The following NCOA1 variants were observed in gnomAD, a reference collection of about 807,000 sequenced individuals.
The protein encoded by NCOA1 is Hin-2 protein.
NCOA1 carries 35 observed loss-of-function variants against 150.9 expected under a neutral mutation model. The ratio of observed to expected loss-of-function variants is 0.23; its 90% CI spans 0.18 to 0.31. NCOA1 has a LOEUF of 0.31. Ranked by LOEUF, NCOA1 falls within the 10% of genes least tolerant of loss-of-function variation. The pLI is 1.00. For synonymous variants in NCOA1, 590 were observed against 630.0 expected, an observed-to-expected ratio of 0.94 and a Z score of 0.95; for missense variants, 1,491 against 1,749.3, an observed-to-expected ratio of 0.85 and a Z score of 2.63.
rs1672753772 is a variant in NCOA1 at position 24,693,253 on chromosome 2, T to C, written c.714T>C (p.Asp238=). The change falls in exon 10 of 23, where the codon GAT becomes GAC. Residue 238 remains aspartate (D), a splice_region_variant and synonymous_variant. Transcript: ENST00000348332. ...ATTTCCCCGTCTTGTTTTGGGCAGA[T>C]TTCCAGTCATGTCTGATTTGTATTG... ...QPKSIQEDGE[D]FQSCLICIAR... is the part of the protein sequence containing the mutation. 1 of 1,614,066 alleles carries C rather than the reference T, an allele frequency of 6.2e-7. No individual in the cohort carries two copies. Among genetic ancestry groups the C allele is most frequent in the African/African-American group, 1.3e-5 (1 of 74,942 alleles).
chr2:24,705,470 G>A (rs998676705), intron 12 of NCOA1, among the ~76,000 whole-genome samples: 2 of 152,248 alleles, frequency 1.3e-5, no homozygotes, highest in African/African-American at 2.4e-5. Context: ...GCTTTTTAGA[G>A]GGTAAAACCA....
At chr2:24,576,218 G>T (rs1464386477) in intron 2 of NCOA1, among the ~76,000 whole-genome samples, 1 of 119,162 alleles carries the variant, frequency 8.4e-6, no homozygotes, top group East Asian at 2.6e-4. Context: ...TCCAACCTCA[G>T]GTGGTTTCCT....
In NCOA1 at chr2:24,729,594, C is replaced by T. The variant is rs752281172; in HGVS notation, c.2980C>T (p.Pro994Ser). 6.2e-7 allele frequency: 1 copy of T among 1,614,138 alleles called. No homozygotes were observed. Among genetic ancestry groups the T allele is most frequent in the African/African-American group, 1.3e-5 (1 of 75,034 alleles). Residue 994 changes from proline (P) to serine (S), a missense_variant, in exon 17 of 23, where the codon CCT becomes TCT. Physicochemically the swap from Pro to Ser is moderately conservative, Grantham distance 74. This residue lies in a region of NCOA1 where 485 missense variants were observed against 522.8 expected (regional missense o/e 0.93). Transcript: ENST00000348332. ...AGAAAGACCCAACCTTTATTCCCAG[C>T]CTTACTCTTCTCCTTCTCCTACTGC... The part of the protein sequence containing the change: ...MEERPNLYSQ[P>S]YSSPSPTANL...
chr2:24,547,767 T>A (rs1189904036), intron 1 of NCOA1, among the ~76,000 whole-genome samples: 1 of 151,666 alleles, frequency 6.6e-6, no homozygotes, highest in Non-Finnish European at 1.5e-5. Flanking sequence ...GGTGGGCGGA[T>A]CATGAGCTCA....
intron 9 of NCOA1, among the ~76,000 whole-genome samples, chr2:24,692,947 AC>A (rs1286513317): frequency 1.3e-5 from 2 of 151,714 alleles, no homozygotes; most frequent in Non-Finnish European, 2.9e-5. Context: ...TGCAAGCTCC[AC>A]CTCCCGGGTT....
At chr2:24,700,669 TGTG>T (rs1018053775) in intron 11 of NCOA1, among the ~76,000 whole-genome samples, 1 of 152,214 alleles carries the variant, frequency 6.6e-6, no homozygotes, top group Non-Finnish European at 1.5e-5. Flanking sequence ...TCCATGCAAG[TGTG>T]TATAGTTTGG....
At chr2:24,673,858 C>G (rs1671786923) in intron 7 of NCOA1, among the ~76,000 whole-genome samples, 1 of 152,050 alleles carries the variant, frequency 6.6e-6, no homozygotes, top group Non-Finnish European at 1.5e-5. Flanking sequence ...TATTGCAGTA[C>G]GTGATTTTCT....
chr2:24,550,164 C>G (rs1191190050), intron 1 of NCOA1, among the ~76,000 whole-genome samples: 2 of 152,184 alleles, frequency 1.3e-5, no homozygotes, highest in South Asian at 4.1e-4. Context: ...TTGAAACTTT[C>G]CCACATTTTC....
intron 1 of NCOA1, among the ~76,000 whole-genome samples, chr2:24,550,746 C>G (rs1185467892): frequency 6.6e-6 from 1 of 152,170 alleles, no homozygotes. Flanking sequence ...GAGGGAAATT[C>G]CTGTTCACCA....
intron 1 of NCOA1, among the ~76,000 whole-genome samples, chr2:24,510,854 A>G (rs1218223428): frequency 1.3e-5 from 2 of 152,214 alleles, no homozygotes; most frequent in East Asian, 3.8e-4. Flanking sequence ...TTCTTGAGAT[A>G]TAAATCATAT....
intron 4 of NCOA1, among the ~76,000 whole-genome samples, chr2:24,655,131 C>CGTA (rs1670875798): frequency 6.6e-6 from 1 of 152,138 alleles, no homozygotes; most frequent in African/African-American, 2.4e-5. Context: ...ATCTCTAGTG[C>CGTA]GTAGAACAGA....
intron 1 of NCOA1, among the ~76,000 whole-genome samples, chr2:24,552,341 ATATATATATATATTTTTTTTTTTTTT>A (rs1220265743): frequency 3.1e-5 from 1 of 32,644 alleles, no homozygotes; most frequent in Non-Finnish European, 5.2e-5. Flanking sequence ...ATATATATAT[ATATATATATATATTTTTTTTTTTTTT>A]TTTTTTTTTT....
intron 21 of NCOA1, among the ~76,000 whole-genome samples, chr2:24,760,829 T>C (rs1459175276): frequency 6.6e-5 from 10 of 151,960 alleles, no homozygotes; most frequent in Non-Finnish European, 1.3e-4. Context: ...TGGAAAAAAT[T>C]TTTTGTTGTC....
intron 1 of NCOA1, among the ~76,000 whole-genome samples, chr2:24,493,852 T>G (rs1663083265): frequency 6.6e-6 from 1 of 152,258 alleles, no homozygotes; most frequent in Non-Finnish European, 1.5e-5. Flanking sequence ...CTGCTACTAC[T>G]TAAGACATTT....
intron 2 of NCOA1, among the ~76,000 whole-genome samples, chr2:24,567,373 A>G (rs994840768): frequency 3.9e-5 from 6 of 152,166 alleles, no homozygotes; most frequent in African/African-American, 1.4e-4. Context: ...TTTTCTTCTT[A>G]CTTTCACTTA....
chr2:24,726,629 T>G lies in NCOA1; in HGVS notation c.2640T>G (p.Phe880Leu). The change falls in exon 15 of 23, where the codon TTT (phenylalanine) becomes TTG (leucine). Residue 880 changes from phenylalanine to leucine, a missense_variant. By Grantham distance (22) the Phe-to-Leu change is conservative (BLOSUM62 0). Transcript: ENST00000348332. ...ELELEAIDNQ[F>L]GQPGTGDQIP... ...AATTGGAAGCAATTGATAACCAATT[T>G]GGACAACCAGGAACAGGCGATCAGA... 6.2e-7 allele frequency: 1 copy of G among 1,610,556 alleles called. No homozygotes were observed. Among genetic ancestry groups the G allele is most frequent in the Non-Finnish European group, 8.5e-7 (1 of 1,178,356 alleles).
At chr2:24,759,596 A>G (rs56371976) in intron 21 of NCOA1, among the ~76,000 whole-genome samples, 4,414 of 152,306 alleles carry the variant, frequency 0.029, 87 homozygotes, top group Middle Eastern at 0.048. Flanking sequence ...CATTATTCGT[A>G]TCAGCAACCA....
At chr2:24,498,770 T>C (rs1404705441) in intron 1 of NCOA1, among the ~76,000 whole-genome samples, 5 of 152,154 alleles carry the variant, frequency 3.3e-5, no homozygotes, top group Admixed American at 6.6e-5. Flanking sequence ...GTAGTAAGTA[T>C]GTAGATATGG....
Position 24,741,868 on chromosome 2 carries a change from C to T in NCOA1, c.3388C>T (p.Gln1130Ter). 1 of 1,614,238 alleles carries T rather than the reference C, an allele frequency of 6.2e-7. No individual in the cohort carries two copies. The change falls in exon 19 of 23, where the codon CAA (glutamine) becomes TAA (stop). Residue 1130 changes from glutamine to a stop codon, truncating the protein, a stop_gained. Transcript: ENST00000348332. LOFTEE classifies it high-confidence loss of function. ...CCGACAGAGGCAGCTAATACAGCAGCAAAGAGCCATGCTTATGAGGCAGCA... is the reference window on the plus strand; with the variant it reads ...CCGACAGAGGCAGCTAATACAGCAGTAAAGAGCCATGCTTATGAGGCAGCA... ...QHRQRQLIQQ[Q>*]RAMLMRQQSF...
Sources: gnomAD v4.1 joint callset for allele counts (sites outside exome capture counted in the v4.1 genomes callset) on GRCh38, gnomAD v4.1.1 for gene constraint, gnomAD v4.1.1 regional missense constraint, MANE v1.5 for transcripts, NCBI Gene and HGNC (gene_info 2026-07-23, HGNC 2026-07-21) for gene names.